Variants in SENP7 observed in about 807,000 individuals in gnomAD.
The protein encoded by SENP7 is SUMO specific peptidase 7.
Under a neutral mutation model 141.2 loss-of-function variants are expected in SENP7, and 64 were observed. The ratio of observed to expected loss-of-function variants is 0.45; its 90% CI spans 0.37 to 0.56. The LOEUF is 0.56. Ranked by LOEUF, SENP7 falls within the 20% of genes least tolerant of loss-of-function variation. SENP7 has a pLI of 0.00. For missense variants in SENP7, 1,025 were observed against 1,212.2 expected (o/e 0.85, Z 2.29); for synonymous variants, 382 against 426.4 (o/e 0.90, Z 1.28).
chr3:101,337,477 T>G, intron 17 of SENP7, 32 bp downstream of exon 17: 2 of 1,419,618 alleles, frequency 1.4e-6, no homozygotes, highest in South Asian at 1.3e-5. Context: ...CATTTTCTCT[T>G]AAAACTTAAG....
intron 5 of SENP7, among the ~76,000 whole-genome samples, chr3:101,409,604 A>G (rs917268322): frequency 6.6e-6 from 1 of 152,252 alleles, no homozygotes; most frequent in East Asian, 1.9e-4. Context: ...TCAAGGGAAG[A>G]GAATAGAGAA....
chr3:101,334,356 G>A (rs550767680), intron 17 of SENP7, among the ~76,000 whole-genome samples: 1 of 152,104 alleles, frequency 6.6e-6, no homozygotes, highest in South Asian at 2.1e-4. Flanking sequence ...ATTTAACAGG[G>A]GGATAAAGGT....
At chr3:101,393,958 T>C (rs955096029) in intron 6 of SENP7, among the ~76,000 whole-genome samples, 1 of 152,234 alleles carries the variant, frequency 6.6e-6, no homozygotes, top group Non-Finnish European at 1.5e-5. Context: ...ATCATTTCCA[T>C]GTGTTGGGAA....
chr3:101,330,365 G>A lies in SENP7; in HGVS notation c.2720C>T (p.Ser907Leu), dbSNP rs754695487. Residue 907 changes from serine to leucine, a missense_variant, in exon 20 of 24, where the codon TCG becomes TTG. Ser to Leu is a moderately radical substitution (Grantham distance 145). Coordinates refer to ENST00000394095, the MANE Select transcript of SENP7 (RefSeq NM_020654.5). Reference sequence around the variant, plus strand: ...ATCCTCTGCACTCAAAGACAGTGTCGAAGTAGTACGTAGATCATTATCTAG... The same window carrying A: ...ATCCTCTGCACTCAAAGACAGTGTCAAAGTAGTACGTAGATCATTATCTAG... ...KTIDNDLRTT[S>L]TLSLSAEDSQ... 14 of 1,607,550 alleles carry A rather than the reference G, an allele frequency of 8.7e-6. 1 individual carries two copies. The highest frequency in any genetic ancestry group is 2.2e-5 in the East Asian group (1 of 44,778).
intron 13 of SENP7, among the ~76,000 whole-genome samples, chr3:101,345,044 TG>T (rs1172746146): frequency 1.4e-5 from 2 of 147,988 alleles, no homozygotes; most frequent in Admixed American, 6.7e-5. Context: ...GGGCTTATTC[TG>T]GGTTCTCTAT....
chr3:101,410,275 T>C lies in SENP7; in HGVS notation c.482+7318A>G, dbSNP rs989514641. 1.2e-4 allele frequency among the ~76,000 whole-genome samples: 18 copies of C among 152,006 alleles called. 1 individual carries two copies. Among genetic ancestry groups the C allele is most frequent in the Admixed American group, 1.1e-3 (17 of 15,260 alleles). ...TGCTAGAATGGCCATAATCAAAAAATAGTAGATGTTGGCATGGATGTGATG... is the reference window on the plus strand; with the variant it reads ...TGCTAGAATGGCCATAATCAAAAAACAGTAGATGTTGGCATGGATGTGATG... On this transcript the variant is annotated intron_variant, in intron 5 of 23. Coordinates refer to ENST00000394095, the MANE Select transcript of SENP7 (RefSeq NM_020654.5).
intron 3 of SENP7, among the ~76,000 whole-genome samples, chr3:101,468,037 T>C (rs1019817832): frequency 6.6e-6 from 1 of 152,074 alleles, no homozygotes; most frequent in Non-Finnish European, 1.5e-5. Context: ...GTGAAAACCA[T>C]GGCACGAGAG....
chr3:101,386,565 C>T (rs1411531520), intron 6 of SENP7, among the ~76,000 whole-genome samples: 1 of 152,210 alleles, frequency 6.6e-6, no homozygotes, highest in Non-Finnish European at 1.5e-5. Context: ...TCCCTGAAGG[C>T]CTGCTAACAT....
intron 1 of SENP7, among the ~76,000 whole-genome samples, chr3:101,502,459 T>C (rs939859473): frequency 1.2e-4 from 19 of 152,256 alleles, no homozygotes; most frequent in African/African-American, 4.3e-4. Context: ...TGCGCCACCA[T>C]GCCAGGCTAA....
At chr3:101,340,272 T>G in intron 15 of SENP7, 61 bp from the exon 16 acceptor site, 1 of 1,498,812 alleles carries the variant, frequency 6.7e-7, no homozygotes, top group Admixed American at 2.6e-5. Context: ...TCTAAGAGAT[T>G]TCTTATATGA....
At chr3:101,407,529 GAT>G (rs1330682892) in intron 5 of SENP7, among the ~76,000 whole-genome samples, 5 of 152,100 alleles carry the variant, frequency 3.3e-5, no homozygotes, top group African/African-American at 1.2e-4. Flanking sequence ...CAGACCATAT[GAT>G]AGGCCACAAA....
intron 3 of SENP7, among the ~76,000 whole-genome samples, chr3:101,472,834 T>C (rs373691881): frequency 1.3e-4 from 19 of 151,980 alleles, no homozygotes; most frequent in African/African-American, 4.6e-4. Context: ...TGGGGGGTTG[T>C]TATACAGAAT....
intron 3 of SENP7, among the ~76,000 whole-genome samples, chr3:101,492,007 G>A (rs893672569): frequency 8.5e-5 from 13 of 152,166 alleles, no homozygotes; most frequent in East Asian, 1.9e-4. Context: ...CAGGAGAATC[G>A]CTTGAACCCG....
chr3:101,447,042 A>C (rs1278684289), intron 4 of SENP7, among the ~76,000 whole-genome samples: 1 of 152,236 alleles, frequency 6.6e-6, no homozygotes, highest in East Asian at 1.9e-4. Context: ...ATCGAAAACA[A>C]AAAGTGAGAC....
At chr3:101,442,294 A>T (rs571306446) in intron 4 of SENP7, among the ~76,000 whole-genome samples, 24 of 152,292 alleles carry the variant, frequency 1.6e-4, no homozygotes, top group African/African-American at 5.8e-4. Flanking sequence ...AGGGAAGACA[A>T]TTTTTCCACA....
intron 3 of SENP7, among the ~76,000 whole-genome samples, chr3:101,471,061 A>C (rs149904389): frequency 0.19 from 28,348 of 152,164 alleles, 3,168 homozygotes; most frequent in Admixed American, 0.36. Context: ...AATAGCATGA[A>C]AATGGCCATA....
At chr3:101,443,968 G>C (rs554195646) in intron 4 of SENP7, among the ~76,000 whole-genome samples, 5 of 150,042 alleles carry the variant, frequency 3.3e-5, no homozygotes, top group South Asian at 2.1e-4. Context: ...TACAAAATGG[G>C]AGAAAATTTT....
chr3:101,445,930 A>G (rs1039036232), intron 4 of SENP7, among the ~76,000 whole-genome samples: 3 of 152,186 alleles, frequency 2.0e-5, no homozygotes, highest in African/African-American at 7.2e-5. Context: ...ACCTCAATAC[A>G]ATAATAGTTT....
intron 4 of SENP7, among the ~76,000 whole-genome samples, chr3:101,432,185 T>C (rs188597813): frequency 1.4e-4 from 21 of 152,198 alleles, no homozygotes; most frequent in Non-Finnish European, 2.9e-5. Context: ...GCAATGGCTA[T>C]GGGGTGAGGC....
Sources: allele counts gnomAD v4.1 joint callset (sites outside exome capture counted in the v4.1 genomes callset), GRCh38; gene constraint gnomAD v4.1.1; transcripts MANE v1.5; gene names NCBI Gene and HGNC (gene_info 2026-07-23, HGNC 2026-07-21).